XPR1: variants seen among roughly 807,000 people sequenced by gnomAD.
The protein encoded by XPR1 is xenotropic and polytropic retrovirus receptor 1, also known as solute carrier family 53 member 1.
In XPR1, 28 loss-of-function variants were observed where a neutral mutation model predicts 87.5. The observed-to-expected ratio is 0.32, with a 90% CI of 0.24 to 0.44. The LOEUF is 0.44. Ranked by LOEUF, XPR1 falls within the 20% of genes least tolerant of loss-of-function variation. The pLI is 1.00. For missense variants in XPR1, 559 were observed against 862.3 expected, an observed-to-expected ratio of 0.65 and a Z score of 4.41; for synonymous variants, 300 against 306.1, an observed-to-expected ratio of 0.98 and a Z score of 0.21.
intron 1 of XPR1, among the ~76,000 whole-genome samples, chr1:180,654,278 G>C (rs1655380482): frequency 6.6e-6 from 1 of 152,000 alleles, no homozygotes. Context: ...CTTGCAAGTT[G>C]CTAGAGAGCA....
At chr1:180,861,163 A>G (rs1318459191) in intron 11 of XPR1, among the ~76,000 whole-genome samples, 1 of 152,142 alleles carries the variant, frequency 6.6e-6, no homozygotes, top group Non-Finnish European at 1.5e-5. Context: ...ATGTCCTTTT[A>G]CTAGCAGACA....
At position 180,769,855 on chromosome 1, in the gene XPR1, TGTTCTCCGTAGTG is replaced by T. The variant is rs528189557; in HGVS notation, c.122-17894_122-17882del. On this transcript the variant is annotated intron_variant, in intron 2 of 14. Transcript: ENST00000367590. Reference sequence around the variant, plus strand: ...TTAATTTTTTGAGGAACCTCCAAACTGTTCTCCGTAGTGGTTGTACTAATTTACTTTCCCATCA... The same window carrying T: ...TTAATTTTTTGAGGAACCTCCAAACTGTTGTACTAATTTACTTTCCCATCA... Among the ~76,000 whole-genome samples, 37 of 152,344 alleles carry T rather than the reference TGTTCTCCGTAGTG, an allele frequency of 2.4e-4. No individual in the cohort carries two copies. The South Asian group carries it at 2.5e-3, about 10-fold the overall frequency.
intron 2 of XPR1, among the ~76,000 whole-genome samples, chr1:180,763,573 T>G (rs1648137432): frequency 6.6e-6 from 1 of 152,156 alleles, no homozygotes; most frequent in Non-Finnish European, 1.5e-5. Flanking sequence ...TGAATCAAGG[T>G]GATTGTGATA....
At chr1:180,765,576 C>A (rs1440869608) in intron 2 of XPR1, among the ~76,000 whole-genome samples, 1 of 152,086 alleles carries the variant, frequency 6.6e-6, no homozygotes, top group African/African-American at 2.4e-5. Flanking sequence ...TCTGTGGGTG[C>A]CCATGTTCCT....
intron 7 of XPR1, among the ~76,000 whole-genome samples, chr1:180,812,523 C>G (rs1212831295): frequency 6.6e-6 from 1 of 152,136 alleles, no homozygotes; most frequent in Non-Finnish European, 1.5e-5. Context: ...CTTTTAGTTT[C>G]TCTTGTCCCT....
At chr1:180,704,162 T>C (rs910742055) in intron 2 of XPR1, among the ~76,000 whole-genome samples, 1 of 149,858 alleles carries the variant, frequency 6.7e-6, no homozygotes, top group Admixed American at 6.7e-5. Flanking sequence ...ACAGTAAATT[T>C]GTAGTTAAAT....
chr1:180,812,182 C>T (rs12120511), intron 7 of XPR1, among the ~76,000 whole-genome samples: 47,632 of 152,050 alleles, frequency 0.31, 8,207 homozygotes, highest in Non-Finnish European at 0.38. Context: ...TTAAATTTTA[C>T]TGGCAGTTTG....
chr1:180,798,126 T>C (rs2102108715), intron 3 of XPR1, among the ~76,000 whole-genome samples: 1 of 152,172 alleles, frequency 6.6e-6, no homozygotes, highest in Non-Finnish European at 1.5e-5. Flanking sequence ...ACTAAAGTGA[T>C]ACATAAAAAA....
intron 9 of XPR1, 131 bp downstream of exon 9, chr1:180,825,475 AGGCCCTGGG>A: frequency 1.1e-6 from 1 of 911,366 alleles, no homozygotes; most frequent in Middle Eastern, 3.1e-4. Context: ...ATGTGAGTGG[AGGCCCTGGG>A]AAAAAGTACT....
chr1:180,883,272 A>G (rs1262366023), intron 14 of XPR1, among the ~76,000 whole-genome samples: 1 of 151,782 alleles, frequency 6.6e-6, no homozygotes, highest in Non-Finnish European at 1.5e-5. Flanking sequence ...AGTTTGTTTA[A>G]TGCTTTTTTC....
intron 11 of XPR1, among the ~76,000 whole-genome samples, chr1:180,850,044 G>A (rs996344406): frequency 1.3e-5 from 2 of 152,150 alleles, no homozygotes; most frequent in Non-Finnish European, 2.9e-5. Flanking sequence ...GATTGATACT[G>A]CAGTTGGTGA....
chr1:180,839,941 C>G (rs972731237), intron 11 of XPR1, among the ~76,000 whole-genome samples: 3 of 152,118 alleles, frequency 2.0e-5, no homozygotes, highest in Non-Finnish European at 4.4e-5. Flanking sequence ...GTGTTGCCCT[C>G]GGCCGGGCGC....
At chr1:180,632,525 C>CGGGCCG (rs545516105) in intron 1 of XPR1, among the ~76,000 whole-genome samples, 245 of 152,230 alleles carry the variant, frequency 1.6e-3, no homozygotes, top group Middle Eastern at 3.4e-3. Context: ...AGGCGCTGCC[C>CGGGCCG]GGGCCGGGGC....
intron 1 of XPR1, among the ~76,000 whole-genome samples, chr1:180,652,044 C>G (rs997998600): frequency 1.3e-5 from 2 of 152,248 alleles, no homozygotes; most frequent in Non-Finnish European, 2.9e-5. Flanking sequence ...GTAATTTCAG[C>G]ATTTTGGGAG....
chr1:180,747,204 T>C (rs1184377935), intron 2 of XPR1, among the ~76,000 whole-genome samples: 1 of 152,190 alleles, frequency 6.6e-6, no homozygotes, highest in East Asian at 1.9e-4. Flanking sequence ...AACTTAGACG[T>C]AAGTATACAT....
chr1:180,774,420 T>C (rs1018467950), intron 2 of XPR1, among the ~76,000 whole-genome samples: 7 of 147,818 alleles, frequency 4.7e-5, no homozygotes, highest in African/African-American at 1.8e-4. Flanking sequence ...GATGGAAGTC[T>C]TGGTCTGTCG....
At chr1:180,849,488 G>A (rs1412015816) in intron 11 of XPR1, among the ~76,000 whole-genome samples, 3 of 152,154 alleles carry the variant, frequency 2.0e-5, no homozygotes, top group African/African-American at 7.2e-5. Flanking sequence ...TAGGATTAGG[G>A]CGATCCAAAA....
intron 14 of XPR1, among the ~76,000 whole-genome samples, 178 bp downstream of exon 14, chr1:180,880,475 A>C (rs1652817097): frequency 6.6e-6 from 1 of 152,264 alleles, no homozygotes; most frequent in African/African-American, 2.4e-5. Context: ...ATGACTGTCT[A>C]AATGAGCACA....
At chr1:180,654,418 A>G (rs556062938) in intron 1 of XPR1, among the ~76,000 whole-genome samples, 1 of 152,302 alleles carries the variant, frequency 6.6e-6, no homozygotes, top group Non-Finnish European at 1.5e-5. Context: ...TAAAATATGC[A>G]TAATATAAAA....
Sources: allele counts gnomAD v4.1 joint callset (sites outside exome capture counted in the v4.1 genomes callset), GRCh38; gene constraint gnomAD v4.1.1; transcripts MANE v1.5; gene names NCBI Gene and HGNC (gene_info 2026-07-23, HGNC 2026-07-21).